Variants in SOX6 observed in about 807,000 individuals in gnomAD.
The protein encoded by SOX6 is SRY-box transcription factor 6.
In SOX6, 11 loss-of-function variants were observed where a neutral mutation model predicts 97.8. The ratio of observed to expected loss-of-function variants is 0.11; its 90% confidence interval spans 0.07 to 0.19. The LOEUF (loss-of-function observed/expected upper bound fraction) is 0.19. SOX6 is among the 10% of genes least tolerant of loss of function. The pLI is 1.00. For missense variants in SOX6, 810 were observed against 1,039.5 expected, an observed-to-expected ratio of 0.78 and a Z score of 3.04; for synonymous variants, 360 against 371.4, an observed-to-expected ratio of 0.97 and a Z score of 0.35.
rs138281767 is a variant in SOX6 at position 16,099,383 on chromosome 11, C to A, written c.899-1695G>T. Among the ~76,000 whole-genome samples the A allele has an allele frequency of 1.1e-3, 166 of 151,818 alleles. 1 individual carries two copies. The highest frequency in any genetic ancestry group is 3.6e-3 in the African/African-American group (148 of 41,470). On this transcript the variant is annotated intron_variant, in intron 7 of 15. Coordinates refer to ENST00000683767, the MANE Select transcript of SOX6 (RefSeq NM_001367873.1). Reference sequence around the variant, plus strand: ...TCCTAATCTAAGTCAAATAGTATTTCTTTGGTAGATATCAAGTTTTAAAAA... The same window carrying A: ...TCCTAATCTAAGTCAAATAGTATTTATTTGGTAGATATCAAGTTTTAAAAA...
At chr11:16,118,962 G>A (rs1340058095) in intron 6 of SOX6, among the ~76,000 whole-genome samples, 1 of 152,146 alleles carries the variant, frequency 6.6e-6, no homozygotes, top group Non-Finnish European at 1.5e-5. Flanking sequence ...GACAGAGATG[G>A]AGGAAAAGAG....
chr11:16,571,018 T>C (rs1193129514), intron 4 of SOX6, among the ~76,000 whole-genome samples: 1 of 152,184 alleles, frequency 6.6e-6, no homozygotes, highest in African/African-American at 2.4e-5. Flanking sequence ...AATTATAACA[T>C]TTTTAAAGGA....
chr11:16,417,488 A>C (rs1451717501), intron 1 of SOX6, among the ~76,000 whole-genome samples: 3 of 152,220 alleles, frequency 2.0e-5, no homozygotes, highest in Admixed American at 2.0e-4. Flanking sequence ...TTCTGGATTT[A>C]GGAGGATTCT....
At chr11:15,994,983 G>T (rs1004239632) in intron 13 of SOX6, among the ~76,000 whole-genome samples, 8 of 152,126 alleles carry the variant, frequency 5.3e-5, no homozygotes, top group African/African-American at 1.9e-4. Context: ...TTCCCATGAA[G>T]ACGCTTTCTG....
Position 16,583,457 on chromosome 11 carries a change from C to T in SOX6, n.609+28624G>A, listed in dbSNP as rs557846984. Among the ~76,000 whole-genome samples the T allele has an allele frequency of 2.0e-4, 31 of 151,224 alleles. No individual in the cohort carries two copies. In the East Asian group the frequency reaches 5.0e-3, roughly 25 times the overall value. Reference sequence around the variant, plus strand: ...CCTCTGCTCCTCTATCCTTCTCAGCCTCTAGTAACCACTATTCTACTGTCT... The same window carrying T: ...CCTCTGCTCCTCTATCCTTCTCAGCTTCTAGTAACCACTATTCTACTGTCT... On this transcript the variant is annotated intron_variant and non_coding_transcript_variant, in intron 4 of 5. Transcript: ENST00000524520.
chr11:16,421,525 T>A (rs555565549), intron 1 of SOX6, among the ~76,000 whole-genome samples: 1 of 152,274 alleles, frequency 6.6e-6, no homozygotes, highest in African/African-American at 2.4e-5. Flanking sequence ...TTTGGTAAAG[T>A]CATTTCAGTT....
intron 15 of SOX6, among the ~76,000 whole-genome samples, chr11:15,980,780 C>T (rs1853631263): frequency 6.6e-6 from 1 of 152,058 alleles, no homozygotes; most frequent in Non-Finnish European, 1.5e-5. Flanking sequence ...GCATAATAAT[C>T]TCTCTTCCTC....
chr11:16,268,916 C>A (rs1854161212), intron 3 of SOX6, among the ~76,000 whole-genome samples: 1 of 150,706 alleles, frequency 6.6e-6, no homozygotes, highest in Non-Finnish European at 1.5e-5. Context: ...TTTTAACATG[C>A]AAATACTTTT....
intron 3 of SOX6, among the ~76,000 whole-genome samples, chr11:16,305,078 T>C (rs527887637): frequency 6.2e-4 from 95 of 152,090 alleles, no homozygotes; most frequent in African/African-American, 2.1e-3. Context: ...TTGGACCTCA[T>C]CAAAATTATA....
intron 4 of SOX6, among the ~76,000 whole-genome samples, chr11:16,487,112 T>C (rs1291917947): frequency 6.6e-6 from 1 of 151,954 alleles, no homozygotes; most frequent in Non-Finnish European, 1.5e-5. Context: ...AAAATGAAAA[T>C]TTTGTAACTC....
At position 15,967,474 on chromosome 11, in the gene SOX6, T is replaced by C. The variant is rs1243693950; in HGVS notation, c.*5335A>G. 1 of 151,954 alleles carries C rather than the reference T, an allele frequency of 6.6e-6. No individual in the cohort carries two copies. Among genetic ancestry groups the C allele is most frequent in the Non-Finnish European group, 1.5e-5 (1 of 67,982 alleles). The allele number at this position is 151,954 out of a possible 1,614,324, so 9.4% of individuals were successfully genotyped here. ...TACAACGTCGGGGGAAATAAAAGAG[T>C]TACAGTAAGATAAGTTATGTAGTAA... On this transcript the variant is annotated 3_prime_UTR_variant, in exon 16 of 16. Transcript: ENST00000683767.
intron 4 of SOX6, among the ~76,000 whole-genome samples, chr11:16,234,012 AAAAAAAAAAG>A (rs966464996): frequency 6.6e-6 from 1 of 151,466 alleles, no homozygotes; most frequent in Non-Finnish European, 1.5e-5. Context: ...TCTCAAAAAA[AAAAAAAAAAG>A]AAAAGAAAAG....
intron 4 of SOX6, among the ~76,000 whole-genome samples, chr11:16,560,055 C>G (rs1207499271): frequency 1.3e-5 from 2 of 152,256 alleles, no homozygotes; most frequent in South Asian, 2.1e-4. Context: ...TCAGACTGCC[C>G]TTAAGAGCAA....
intron 3 of SOX6, among the ~76,000 whole-genome samples, chr11:16,281,083 G>GA (rs1554952698): frequency 6.6e-6 from 1 of 152,066 alleles, no homozygotes; most frequent in Non-Finnish European, 1.5e-5. Context: ...GCAGCTACAC[G>GA]AGAGTTAGAG....
At chr11:16,083,703 C>A (rs759443588) in intron 9 of SOX6, among the ~76,000 whole-genome samples, 2 of 152,224 alleles carry the variant, frequency 1.3e-5, no homozygotes, top group Admixed American at 6.5e-5. Flanking sequence ...GTTAATCTAT[C>A]TCTCTAGACC....
chr11:16,473,106 T>C (rs1380279287), intron 1 of SOX6, among the ~76,000 whole-genome samples: 1 of 152,236 alleles, frequency 6.6e-6, no homozygotes, highest in Admixed American at 6.5e-5. Flanking sequence ...AATTTTTTTC[T>C]TGAAATTTGC....
At chr11:16,194,713 G>A (rs1326794984) in intron 4 of SOX6, among the ~76,000 whole-genome samples, 4 of 152,156 alleles carry the variant, frequency 2.6e-5, no homozygotes, top group Non-Finnish European at 5.9e-5. Context: ...GCTGCAAAAG[G>A]AAGTCTATTC....
chr11:16,250,613 A>G (rs1267475339), intron 3 of SOX6, among the ~76,000 whole-genome samples: 4 of 152,094 alleles, frequency 2.6e-5, no homozygotes, highest in Admixed American at 2.6e-4. Flanking sequence ...TAAGTCAAGA[A>G]GCATCAATAA....
At chr11:16,095,865 G>GA (rs1341916172) in intron 9 of SOX6, 131 bp downstream of exon 9, 22 of 1,105,856 alleles carry the variant, frequency 2.0e-5, no homozygotes, top group Non-Finnish European at 3.9e-6. Flanking sequence ...TTAGGAATGA[G>GA]AAAAAGGGAA....
Sources: gnomAD v4.1 joint callset for allele counts (sites outside exome capture counted in the v4.1 genomes callset) on GRCh38, gnomAD v4.1.1 for gene constraint, MANE v1.5 for transcripts, NCBI Gene and HGNC (gene_info 2026-07-23, HGNC 2026-07-21) for gene names.